The following SYT2 variants were observed in gnomAD, a reference collection of about 807,000 sequenced individuals.
SYT2 encodes synaptotagmin-2.
Under a neutral mutation model 39.9 loss-of-function variants are expected in SYT2, and 15 were observed. The observed-to-expected ratio is 0.38, with a 90% CI of 0.25 to 0.58. SYT2 has a LOEUF of 0.58. SYT2 is among the 20% of genes least tolerant of loss of function. The pLI, the probability that SYT2 is intolerant of heterozygous loss-of-function variation, is 0.70. For synonymous variants in SYT2, 181 were observed against 204.5 expected, an observed-to-expected ratio of 0.89 and a Z score of 0.98; for missense variants, 389 against 530.3, an observed-to-expected ratio of 0.73 and a Z score of 2.62.
At chr1:202,642,846 C>T (rs1691957621) in intron 1 of SYT2, among the ~76,000 whole-genome samples, 1 of 152,248 alleles carries the variant, frequency 6.6e-6, no homozygotes, top group South Asian at 2.1e-4. Flanking sequence ...CTTCATGCAC[C>T]TCCCCGCGCC....
chr1:202,632,465 C>T (rs1691620704), intron 1 of SYT2: 1 of 764,122 alleles, frequency 1.3e-6, no homozygotes, highest in African/African-American at 1.9e-5. Flanking sequence ...GAGAAACTGA[C>T]TCTATAACCA....
Position 202,666,008 on chromosome 1 carries a change from CCGGGCGTGGTGG to C in SYT2, c.-18+44238_-18+44249del, listed in dbSNP as rs575850395. 4.5e-3 allele frequency among the ~76,000 whole-genome samples: 680 copies of C among 152,144 alleles called. 10 individuals carry two copies. The highest frequency in any genetic ancestry group is 0.016 in the African/African-American group (649 of 41,528). The stretch of plus-strand genomic sequence containing the variant: ...CTCTACTAAAAATACAAAAAATTAG[CCGGGCGTGGTGG>C]CGGGCGCCTGTAGTCCCAGCTACTC... On this transcript the variant is annotated intron_variant, in intron 1 of 8. Coordinates refer to ENST00000367268, the MANE Select transcript of SYT2 (RefSeq NM_177402.5).
chr1:202,697,480 ACT>A (rs1356151513), intron 1 of SYT2, among the ~76,000 whole-genome samples: 1 of 152,208 alleles, frequency 6.6e-6, no homozygotes, highest in Non-Finnish European at 1.5e-5. Flanking sequence ...AGTCTTCCCT[ACT>A]CTGAGCCGAA....
intron 1 of SYT2, among the ~76,000 whole-genome samples, chr1:202,629,867 T>TC (rs1691522131): frequency 2.5e-5 from 1 of 39,530 alleles, no homozygotes; most frequent in African/African-American, 8.7e-5. Flanking sequence ...AGGCAGCTGG[T>TC]GGGGGGGGGG....
At chr1:202,665,582 G>A (rs1558454248) in intron 1 of SYT2, among the ~76,000 whole-genome samples, 3 of 152,178 alleles carry the variant, frequency 2.0e-5, no homozygotes, top group Admixed American at 2.0e-4. Context: ...CTCCAGCTGC[G>A]ACATCCTACA....
intron 1 of SYT2, among the ~76,000 whole-genome samples, chr1:202,642,279 A>G (rs1347579613): frequency 6.6e-6 from 1 of 151,886 alleles, no homozygotes; most frequent in Non-Finnish European, 1.5e-5. Flanking sequence ...GAACTCACTT[A>G]AGAGAGGCCA....
chr1:202,695,218 C>T (rs936509587), intron 1 of SYT2, among the ~76,000 whole-genome samples: 1 of 152,132 alleles, frequency 6.6e-6, no homozygotes, highest in Non-Finnish European at 1.5e-5. Context: ...GCAATACACC[C>T]CTGCTCACAC....
chr1:202,706,082 C>T lies in SYT2; in HGVS notation c.-18+4176G>A, dbSNP rs143865658. ...GGTGTTCCCCTGCCCTCCAGGCTCA[C>T]AGTGACTCTCAGGTCCCTCTGGGCC... On this transcript the variant is annotated intron_variant, in intron 1 of 8. Coordinates refer to ENST00000367268, the MANE Select transcript of SYT2 (RefSeq NM_177402.5). Among the ~76,000 whole-genome samples the T allele has an allele frequency of 8.4e-4, 128 of 152,250 alleles. 1 individual carries two copies. The East Asian group carries it at 0.014, about 17-fold the overall frequency.
At chr1:202,686,921 C>T (rs1653683428) in intron 1 of SYT2, among the ~76,000 whole-genome samples, 1 of 152,056 alleles carries the variant, frequency 6.6e-6, no homozygotes, top group Non-Finnish European at 1.5e-5. Flanking sequence ...TCTTCAAGCA[C>T]CAACTCAAGC....
Position 202,695,853 on chromosome 1 carries a change from A to C in SYT2, c.-18+14405T>G, listed in dbSNP as rs149555802. Among the ~76,000 whole-genome samples, 129 of 152,236 alleles carry C rather than the reference A, an allele frequency of 8.5e-4. 1 individual carries two copies. In the East Asian group the frequency reaches 0.014, roughly 17 times the overall value. On this transcript the variant is annotated intron_variant, in intron 1 of 8. Coordinates refer to ENST00000367268, the MANE Select transcript of SYT2 (RefSeq NM_177402.5). Reference sequence around the variant, plus strand: ...ATGACACTCTCCCTTACACCTCTTTAATCACCTGCCAGTTGTCTCAGTGCT... The same window carrying C: ...ATGACACTCTCCCTTACACCTCTTTCATCACCTGCCAGTTGTCTCAGTGCT...
intron 4 of SYT2, 115 bp downstream of exon 4, chr1:202,602,884 C>G (rs1690561965): frequency 2.3e-6 from 3 of 1,328,320 alleles, no homozygotes; most frequent in Non-Finnish European, 3.2e-6. Flanking sequence ...CTGCCTCATT[C>G]TATGGAAAGG....
chr1:202,664,179 GAAGA>G (rs1692441037), intron 1 of SYT2, among the ~76,000 whole-genome samples: 1 of 152,134 alleles, frequency 6.6e-6, no homozygotes, highest in African/African-American at 2.4e-5. Context: ...CATGTACAGG[GAAGA>G]AAGAGATTTC....
intron 1 of SYT2, among the ~76,000 whole-genome samples, chr1:202,620,428 GC>G (rs1691172180): frequency 6.6e-6 from 1 of 152,106 alleles, no homozygotes; most frequent in Non-Finnish European, 1.5e-5. Context: ...GAGTTGGGGA[GC>G]AGGTGACAAC....
chr1:202,697,837 C>A (rs1357219557), intron 1 of SYT2, among the ~76,000 whole-genome samples: 1 of 152,172 alleles, frequency 6.6e-6, no homozygotes, highest in Non-Finnish European at 1.5e-5. Flanking sequence ...CTCAATAGAG[C>A]TGGAAAAAAT....
At chr1:202,651,045 C>T (rs986944467) in intron 1 of SYT2, among the ~76,000 whole-genome samples, 2 of 151,988 alleles carry the variant, frequency 1.3e-5, no homozygotes, top group Non-Finnish European at 2.9e-5. Flanking sequence ...GCAAGCCAGG[C>T]TAAGGGTGTG....
chr1:202,610,666 T>A (rs1436456671), intron 1 of SYT2, among the ~76,000 whole-genome samples: 1 of 152,168 alleles, frequency 6.6e-6, no homozygotes, highest in Non-Finnish European at 1.5e-5. Flanking sequence ...ACAAGCATTC[T>A]TATACACCAA....
rs113276682 is a variant in SYT2, at chr1:202,706,394, C to A, written c.-18+3864G>T. Among the ~76,000 whole-genome samples, 1,305 of 152,174 alleles carry A rather than the reference C, an allele frequency of 8.6e-3. 17 individuals are homozygous for A. The highest frequency in any genetic ancestry group is 0.029 in the African/African-American group (1,203 of 41,514). ...TTGTGTGTGTGGGCAGGAAAAGGAG[C>A]ACGCAGGCCACCCAAGGATGAAAAG... On this transcript the variant is annotated intron_variant, in intron 1 of 8. Transcript: ENST00000367268.
intron 1 of SYT2, among the ~76,000 whole-genome samples, chr1:202,700,530 T>C (rs976176995): frequency 1.3e-5 from 2 of 152,172 alleles, no homozygotes; most frequent in African/African-American, 4.8e-5. Context: ...CTGAGAAATT[T>C]CTAAATTAGC....
intron 1 of SYT2, among the ~76,000 whole-genome samples, chr1:202,631,623 G>A (rs984109344): frequency 1.4e-4 from 21 of 152,096 alleles, no homozygotes; most frequent in African/African-American, 4.1e-4. Context: ...TCACAGCACC[G>A]AGGGCTGGAG....
Sources: allele counts gnomAD v4.1 joint callset (sites outside exome capture counted in the v4.1 genomes callset), GRCh38; gene constraint gnomAD v4.1.1; transcripts MANE v1.5; gene names NCBI Gene and HGNC (gene_info 2026-07-23, HGNC 2026-07-21).